The following MAP4K3 variants were observed in gnomAD, a reference collection of about 807,000 sequenced individuals.
The protein encoded by MAP4K3 is MAPK/ERK kinase kinase kinase 3.
In MAP4K3, 94 loss-of-function variants were observed where a neutral mutation model predicts 143.5. That is an observed-to-expected ratio of 0.65 (90% CI 0.55 to 0.78). The LOEUF (loss-of-function observed/expected upper bound fraction) is 0.78. MAP4K3 is among the 30% of genes least tolerant of loss of function. MAP4K3 has a pLI of 0.00. For missense variants in MAP4K3, 1,077 were observed against 1,068.1 expected, an observed-to-expected ratio of 1.01 and a Z score of -0.12; for synonymous variants, 416 against 347.2, an observed-to-expected ratio of 1.20 and a Z score of -2.20.
At chr2:39,267,379 T>C (rs927225926) in intron 26 of MAP4K3, 132 bp from the exon 27 acceptor site, 18 of 704,110 alleles carry the variant, frequency 2.6e-5, no homozygotes, top group Non-Finnish European at 3.9e-5. Flanking sequence ...CTATTAAAAT[T>C]AGAATAAAAA....
At chr2:39,377,460 C>T (rs996621013) in intron 2 of MAP4K3, among the ~76,000 whole-genome samples, 1 of 151,700 alleles carries the variant, frequency 6.6e-6, no homozygotes, top group Non-Finnish European at 1.5e-5. Flanking sequence ...GAGTAATTAG[C>T]TAAGAAAAAT....
At chr2:39,425,184 T>C (rs1395664726) in intron 1 of MAP4K3, among the ~76,000 whole-genome samples, 2 of 151,542 alleles carry the variant, frequency 1.3e-5, no homozygotes, top group Non-Finnish European at 2.9e-5. Context: ...GTAGATGAAT[T>C]CAAAATTAAC....
At chr2:39,334,817 G>C (rs990830724) in intron 6 of MAP4K3, among the ~76,000 whole-genome samples, 1 of 152,026 alleles carries the variant, frequency 6.6e-6, no homozygotes, top group African/African-American at 2.4e-5. Context: ...CAAGTAGGAG[G>C]AAAAAACTTA....
chr2:39,277,580 T>C (rs965143732), intron 24 of MAP4K3, among the ~76,000 whole-genome samples: 6 of 152,130 alleles, frequency 3.9e-5, no homozygotes, highest in Non-Finnish European at 7.4e-5. Flanking sequence ...GGTTTTTTTT[T>C]TGAGGTGGAG....
At chr2:39,408,951 T>A (rs966758143) in intron 1 of MAP4K3, among the ~76,000 whole-genome samples, 2 of 152,184 alleles carry the variant, frequency 1.3e-5, no homozygotes, top group Non-Finnish European at 2.9e-5. Context: ...TGGTACCATA[T>A]AGAAACATTT....
At position 39,436,936 on chromosome 2, in the gene MAP4K3, G is replaced by T; in HGVS notation, c.52C>A (p.Leu18Met). ...SRRNPQEDFELIQRIGSGTYG... is the reference protein window; with the variant it reads ...SRRNPQEDFEMIQRIGSGTYG... ...GTGCCGCTGCCGATGCGCTGAATCA[G>T]CTCGAAGTCCTCCTGCGGGTTCCGG... The change falls in exon 1 of 34, where the codon CTG becomes ATG. Residue 18 changes from leucine to methionine, a missense_variant. Around this residue, in one of 2 missense-constraint regions of MAP4K3, gnomAD observed 213 missense variants for 266.8 expected, o/e 0.80. Transcript: ENST00000263881. 1 of 1,612,882 alleles carries T rather than the reference G, an allele frequency of 6.2e-7. No individual in the cohort carries two copies. Among genetic ancestry groups the T allele is most frequent in the Non-Finnish European group, 8.5e-7 (1 of 1,179,482 alleles).
chr2:39,257,111 T>C (rs1290993570), intron 31 of MAP4K3, among the ~76,000 whole-genome samples: 1 of 152,162 alleles, frequency 6.6e-6, no homozygotes, highest in Admixed American at 6.5e-5. Flanking sequence ...AATAAGACAA[T>C]GAACTAACTG....
At chr2:39,336,478 A>C (rs1283331963) in intron 6 of MAP4K3, among the ~76,000 whole-genome samples, 3 of 146,352 alleles carry the variant, frequency 2.0e-5, no homozygotes, top group Admixed American at 6.8e-5. Context: ...TCTCAAAAAA[A>C]AAAAAAAAAA....
chr2:39,361,606 C>G (rs1463457347), intron 2 of MAP4K3, among the ~76,000 whole-genome samples: 1 of 151,250 alleles, frequency 6.6e-6, no homozygotes, highest in Non-Finnish European at 1.5e-5. Flanking sequence ...AATTGTGTAC[C>G]TAAGAATAAG....
At position 39,390,003 on chromosome 2, in the gene MAP4K3, CAG is replaced by C. The variant is rs1366186232; in HGVS notation, c.97-11882_97-11881del. Among the ~76,000 whole-genome samples the C allele has an allele frequency of 2.6e-5, 4 of 152,216 alleles. No homozygotes were observed. The East Asian group carries it at 5.8e-4, about 22-fold the overall frequency. On this transcript the variant is annotated intron_variant, in intron 1 of 33. Coordinates refer to ENST00000263881, the MANE Select transcript of MAP4K3 (RefSeq NM_003618.4). ...GACTTTATACAGTTTGCGAAGTGGA[CAG>C]AGTTAGTGAATAATTTGGGGTCTTA...
At chr2:39,313,672 C>A (rs1038038342) in intron 13 of MAP4K3, among the ~76,000 whole-genome samples, 2 of 152,072 alleles carry the variant, frequency 1.3e-5, no homozygotes, top group African/African-American at 4.8e-5. Context: ...ACCAACAGGC[C>A]CGGCTAATTT....
At chr2:39,384,807 G>A (rs1443884733) in intron 1 of MAP4K3, among the ~76,000 whole-genome samples, 7 of 152,238 alleles carry the variant, frequency 4.6e-5, no homozygotes, top group South Asian at 4.1e-4. Context: ...TAAAGATACA[G>A]TTCTAGTAAT....
rs567125579 is a variant in MAP4K3, at chr2:39,356,045, C to T, written c.245+204G>A. On this transcript the variant is annotated intron_variant, in intron 3 of 33. Transcript: ENST00000263881. Reference sequence around the variant, plus strand: ...GCCAGCATTTTCACTAAAAGCACATCTAGAATTCCCAAGTCATACGACTGC... The same window carrying T: ...GCCAGCATTTTCACTAAAAGCACATTTAGAATTCCCAAGTCATACGACTGC... 7.4e-5 allele frequency: 33 copies of T among 448,726 alleles called. No homozygotes were observed. The South Asian group carries it at 1.2e-3, about 16-fold the overall frequency. The allele number at this position is 448,726 out of a possible 1,614,324, so 27.8% of individuals were successfully genotyped here. A position where few individuals can be genotyped will look rare whatever the true frequency, so the allele number is the denominator to read the frequency against.
rs376564335 is a variant in MAP4K3, at chr2:39,429,043, C to T, written c.96+7849G>A. Among the ~76,000 whole-genome samples, 1,096 of 114,406 alleles carry T rather than the reference C, an allele frequency of 9.6e-3. 13 individuals carry two copies. Among genetic ancestry groups the T allele is most frequent in the African/African-American group, 0.034 (1,040 of 30,218 alleles). The allele number at this position is 114,406 out of a possible 152,430, so 75.1% of individuals were successfully genotyped here. A position where few individuals can be genotyped will look rare whatever the true frequency, so the allele number is the denominator to read the frequency against. ...TAGCGCCACTGCACTCCAGCCTGGG[C>T]GACAGAGCGAGACTCCGTCTCAAAA... On this transcript the variant is annotated intron_variant, in intron 1 of 33. Transcript: ENST00000263881.
chr2:39,434,757 C>A (rs1308901522), intron 1 of MAP4K3, among the ~76,000 whole-genome samples: 1 of 152,206 alleles, frequency 6.6e-6, no homozygotes, highest in Non-Finnish European at 1.5e-5. Flanking sequence ...TATTCAACTG[C>A]AAAATGGAGT....
intron 1 of MAP4K3, among the ~76,000 whole-genome samples, chr2:39,426,529 T>G (rs918990712): frequency 6.6e-6 from 1 of 151,946 alleles, no homozygotes; most frequent in African/African-American, 2.4e-5. Flanking sequence ...TATTTATGGG[T>G]AAAGGAGTTT....
chr2:39,391,378 A>AAAAG lies in MAP4K3; in HGVS notation c.97-13259_97-13256dup, dbSNP rs1380000845. ...CATCTCAAAAAAAAAAAAAAAAAAA[A>AAAAG]AAAGAAAGAAAGAAAGAATATATAC... On this transcript the variant is annotated intron_variant, in intron 1 of 33. Coordinates refer to ENST00000263881, the MANE Select transcript of MAP4K3 (RefSeq NM_003618.4). Among the ~76,000 whole-genome samples, 124 of 146,998 alleles carry AAAAG rather than the reference A, an allele frequency of 8.4e-4. 3 individuals are homozygous for AAAAG. The highest frequency in any genetic ancestry group is 2.2e-3 in the African/African-American group (85 of 38,684).
chr2:39,266,250 C>T (rs1222768189), intron 27 of MAP4K3, among the ~76,000 whole-genome samples: 1 of 152,192 alleles, frequency 6.6e-6, no homozygotes, highest in African/African-American at 2.4e-5. Flanking sequence ...AACACTTGCC[C>T]TTCTGCCAGT....
intron 1 of MAP4K3, among the ~76,000 whole-genome samples, chr2:39,383,114 C>T (rs1034877270): frequency 7.2e-5 from 11 of 152,148 alleles, no homozygotes; most frequent in East Asian, 5.8e-4. Context: ...GCTTCATGTT[C>T]GCTTTCCCAA....
Sources: gnomAD v4.1 joint callset for allele counts (sites outside exome capture counted in the v4.1 genomes callset) on GRCh38, gnomAD v4.1.1 for gene constraint, gnomAD v4.1.1 regional missense constraint, MANE v1.5 for transcripts, NCBI Gene and HGNC (gene_info 2026-07-23, HGNC 2026-07-21) for gene names.